The following MGMT variants were observed in gnomAD, a reference collection of about 807,000 sequenced individuals.
MGMT encodes O-6-methylguanine-DNA methyltransferase, also known as methylated-DNA--protein-cysteine methyltransferase.
A neutral mutation model predicts 15.9 loss-of-function variants in MGMT; 14 were observed. The ratio of observed to expected loss-of-function variants is 0.88; its 90% confidence interval spans 0.58 to 1.37. The LOEUF is 1.37. Among genes scored for constraint, MGMT ranks in the 40% most tolerant of loss-of-function variants. The pLI is 0.00. For synonymous variants in MGMT, 130 were observed against 118.2 expected (o/e 1.10, Z -0.65); for missense variants, 282 against 268.1 (o/e 1.05, Z -0.36).
intron 3 of MGMT, chr10:129,717,939 C>T (rs1299240134): frequency 6.6e-6 from 1 of 152,222 alleles, no homozygotes; most frequent in Non-Finnish European, 1.5e-5. Flanking sequence ...CAGCTCCTGC[C>T]TTGCTCTGGT....
At chr10:129,744,781 G>T (rs1486262606) in intron 3 of MGMT, among the ~76,000 whole-genome samples, 1 of 152,228 alleles carries the variant, frequency 6.6e-6, no homozygotes, top group African/African-American at 2.4e-5. Context: ...AGGTTTATCA[G>T]GTTCCTCTTG....
rs550129716 is a variant in MGMT, at chr10:129,719,500, G to A, written c.274+11457G>A. Among the ~76,000 whole-genome samples, 32 of 152,264 alleles carry A rather than the reference G, an allele frequency of 2.1e-4. No individual in the cohort carries two copies. In the South Asian group the frequency reaches 5.6e-3, roughly 27 times the overall value. On this transcript the variant is annotated intron_variant, in intron 3 of 4. Transcript: ENST00000651593. Reference sequence around the variant, plus strand: ...GCCTGGAAGTCCGAGACCGAGGTGCGGCAGGGTGTCAGCTACTCAGACCAA... The same window carrying A: ...GCCTGGAAGTCCGAGACCGAGGTGCAGCAGGGTGTCAGCTACTCAGACCAA...
At chr10:129,476,904 C>T (rs1024287972) in intron 1 of MGMT, among the ~76,000 whole-genome samples, 1 of 152,176 alleles carries the variant, frequency 6.6e-6, no homozygotes, top group African/African-American at 2.4e-5. Flanking sequence ...TAGTGAAGAC[C>T]AGAAATGGTT....
intron 2 of MGMT, among the ~76,000 whole-genome samples, chr10:129,674,225 A>G (rs1847758792): frequency 6.6e-6 from 1 of 152,190 alleles, no homozygotes; most frequent in Admixed American, 6.5e-5. Flanking sequence ...TTCTGAGGTT[A>G]CCAATTCCTT....
chr10:129,578,992 C>T lies in MGMT; in HGVS notation c.125+42615C>T, dbSNP rs560587056. Among the ~76,000 whole-genome samples the T allele has an allele frequency of 2.2e-4, 34 of 152,266 alleles. 1 individual carries two copies. The highest frequency in any genetic ancestry group is 1.8e-3 in the Admixed American group (27 of 15,288). On this transcript the variant is annotated intron_variant, in intron 2 of 4. Transcript: ENST00000651593. ...TGAGCACTGCCTCATTTAAGCCTGC[C>T]GTCGCCTTAATGTACTGTGTACATT...
chr10:129,691,214 G>A (rs1847965908), intron 2 of MGMT, among the ~76,000 whole-genome samples: 1 of 152,242 alleles, frequency 6.6e-6, no homozygotes, highest in Non-Finnish European at 1.5e-5. Flanking sequence ...TGGATAGGCA[G>A]CTGCATGGGG....
intron 3 of MGMT, among the ~76,000 whole-genome samples, chr10:129,744,240 G>A (rs1343505306): frequency 6.6e-6 from 1 of 152,142 alleles, no homozygotes; most frequent in Non-Finnish European, 1.5e-5. Context: ...GAACCCCACT[G>A]CTGAGTCTCT....
Position 129,707,949 on chromosome 10 carries a change from G to T in MGMT, c.180G>T (p.Met60Ile), listed in dbSNP as rs747664825. 1.2e-5 allele frequency: 19 copies of T among 1,613,190 alleles called. 1 individual carries two copies. In the Middle Eastern group the frequency reaches 5.0e-4, roughly 42 times the overall value. Residue 60 changes from methionine to isoleucine, a missense_variant, in exon 3 of 5, where the codon ATG (methionine) becomes ATT (isoleucine). Transcript: ENST00000651593. ...TTCTCGGAGGTCCGGAGCCCCTGAT[G>T]CAGTGCACAGCCTGGCTGAATGCCT... ...AAVLGGPEPLMQCTAWLNAYF... is the reference protein window; with the variant it reads ...AAVLGGPEPLIQCTAWLNAYF...
At chr10:129,661,210 C>T (rs1847593360) in intron 2 of MGMT, among the ~76,000 whole-genome samples, 1 of 151,740 alleles carries the variant, frequency 6.6e-6, no homozygotes, top group South Asian at 2.1e-4. Flanking sequence ...AGTTTATTTC[C>T]AACTTTTTTT....
intron 1 of MGMT, among the ~76,000 whole-genome samples, chr10:129,517,440 C>T (rs1160094571): frequency 3.9e-5 from 6 of 152,230 alleles, no homozygotes; most frequent in Non-Finnish European, 1.5e-5. Context: ...TCAGTTGCCA[C>T]ATGACTGACA....
chr10:129,651,600 A>C (rs1412337161), intron 2 of MGMT, among the ~76,000 whole-genome samples: 1 of 152,180 alleles, frequency 6.6e-6, no homozygotes, highest in Admixed American at 6.5e-5. Context: ...ATGTGAAAAC[A>C]CCAAGAGTTA....
intron 1 of MGMT, among the ~76,000 whole-genome samples, chr10:129,495,703 G>A (rs989893147): frequency 5.3e-5 from 8 of 152,184 alleles, no homozygotes; most frequent in African/African-American, 1.9e-4. Context: ...CCTGTCAAAC[G>A]TGTATGGAAT....
intron 2 of MGMT, chr10:129,693,956 C>T (rs559546253): frequency 6.6e-6 from 1 of 152,280 alleles, no homozygotes; most frequent in East Asian, 1.9e-4. Context: ...TTCCACAGTT[C>T]CCATGGGCAG....
At position 129,520,970 on chromosome 10, in the gene MGMT, TGAGGGTGCAGAGCCCCTAC is replaced by T. The variant is rs1389950818; in HGVS notation, c.-12-15269_-12-15251del. On this transcript the variant is annotated intron_variant, in intron 1 of 4. Transcript: ENST00000651593. ...AGGTGTGCCTACAGAGCCCCTACGG[TGAGGGTGCAGAGCCCCTAC>T]GGTGCGCGTACGGGGCCCCTACGGC... Among the ~76,000 whole-genome samples, 478 of 88,930 alleles carry T rather than the reference TGAGGGTGCAGAGCCCCTAC, an allele frequency of 5.4e-3. 1 individual carries two copies. Among genetic ancestry groups the T allele is most frequent in the African/African-American group, 0.031 (453 of 14,730 alleles). The allele number at this position is 88,930 out of a possible 152,430, so 58.3% of individuals were successfully genotyped here. A position where few individuals can be genotyped will look rare whatever the true frequency, so the allele number is the denominator to read the frequency against.
intron 3 of MGMT, among the ~76,000 whole-genome samples, chr10:129,713,401 A>C (rs1245105518): frequency 6.6e-6 from 1 of 152,144 alleles, no homozygotes; most frequent in Non-Finnish European, 1.5e-5. Context: ...TGGAGAGCAA[A>C]TGTGGAAATC....
At chr10:129,633,197 A>C (rs1165564892) in intron 2 of MGMT, among the ~76,000 whole-genome samples, 1 of 152,170 alleles carries the variant, frequency 6.6e-6, no homozygotes, top group East Asian at 1.9e-4. Flanking sequence ...AAAAATATCT[A>C]AATTATAGAA....
At chr10:129,575,951 C>T (rs1174017396) in intron 2 of MGMT, among the ~76,000 whole-genome samples, 1 of 152,108 alleles carries the variant, frequency 6.6e-6, no homozygotes, top group East Asian at 1.9e-4. Context: ...TGGATAAATT[C>T]CTCGACACAT....
Position 129,770,269 on chromosome 10 carries a change from T to TA in MGMT, c.*3276dup, listed in dbSNP as rs1243937256. Among the ~76,000 whole-genome samples the TA allele has an allele frequency of 6.6e-6, 1 of 152,206 alleles. No individual in the cohort carries two copies. Among genetic ancestry groups the TA allele is most frequent in the African/African-American group, 2.4e-5 (1 of 41,456 alleles). On this transcript the variant is annotated 3_prime_UTR_variant, in exon 5 of 5. Coordinates refer to ENST00000651593, the MANE Select transcript of MGMT (RefSeq NM_002412.5). ...TTCCTACAGAACTGTAAGATAAGGA[T>TA]AAAATCCCATCCACCTGAATTGCTG...
intron 2 of MGMT, among the ~76,000 whole-genome samples, chr10:129,582,451 C>G (rs185934263): frequency 1.1e-4 from 17 of 152,354 alleles, no homozygotes; most frequent in Admixed American, 3.9e-4. Context: ...ACTGCTAACA[C>G]TGACTTTTAA....
Sources: gnomAD v4.1 joint callset for allele counts (sites outside exome capture counted in the v4.1 genomes callset) on GRCh38, gnomAD v4.1.1 for gene constraint, MANE v1.5 for transcripts, NCBI Gene and HGNC (gene_info 2026-07-23, HGNC 2026-07-21) for gene names.